Variants in PARD6G observed in about 807,000 individuals in gnomAD.
PARD6G encodes partitioning defective 6 homolog gamma.
PARD6G carries 7 observed loss-of-function variants against 10.7 expected under a neutral mutation model. The observed-to-expected ratio is 0.66, with a 90% CI of 0.37 to 1.23. The LOEUF is 1.23. PARD6G is among the 50% of genes most tolerant of loss of function. PARD6G has a pLI of 0.02. For synonymous variants in PARD6G, 287 were observed against 269.4 expected (o/e 1.07, Z -0.64); for missense variants, 548 against 571.8 (o/e 0.96, Z 0.42).
rs750210585 is a variant in PARD6G, at chr18:80,184,316, C to T, written c.295+18394G>A. The T allele has an allele frequency of 6.6e-6, 1 of 152,274 alleles. No homozygotes were observed. The highest frequency in any genetic ancestry group is 2.4e-5 in the African/African-American group (1 of 41,456). The allele number at this position is 152,274 out of a possible 1,614,324, so 9.4% of individuals were successfully genotyped here. ...GCTGCAGTGAATCCAGGTGACCTCA[C>T]AGAAACTTGTATGTGAGCATTCGCA... On this transcript the variant is annotated intron_variant, in intron 2 of 2. Coordinates refer to ENST00000353265, the MANE Select transcript of PARD6G (RefSeq NM_032510.4). This position sits in a 1 kb window ranked among gnomAD's most constrained non-coding sequence, Gnocchi z 4.5.
chr18:80,211,395 C>T (rs952343188), intron 1 of PARD6G, among the ~76,000 whole-genome samples: 5 of 152,126 alleles, frequency 3.3e-5, no homozygotes, highest in Admixed American at 6.5e-5. Context: ...TGGCTACTAT[C>T]GAAAAAGCAA....
Position 80,160,442 on chromosome 18 carries a change from C to A in PARD6G, c.460G>T (p.Glu154Ter). ...TGCAGCCGCACTCGCCGGTGCGTCTCGGGGACCAGGTCCACATCGATGATG... is the reference window on the plus strand; with the variant it reads ...TGCAGCCGCACTCGCCGGTGCGTCTAGGGGACCAGGTCCACATCGATGATG... ...SSIIDVDLVP[E>*]THRRVRLHRH... Residue 154 changes from glutamate to a stop codon, truncating the protein, a stop_gained, in exon 3 of 3, where the codon GAG (glutamate) becomes TAG (stop). Transcript: ENST00000353265. LOFTEE classifies it low-confidence loss of function (END_TRUNC). 1 of 1,582,544 alleles carries A rather than the reference C, an allele frequency of 6.3e-7. No individual in the cohort carries two copies. Among genetic ancestry groups the A allele is most frequent in the East Asian group, 2.3e-5 (1 of 43,390 alleles).
chr18:80,242,291 C>T (rs999643857), intron 1 of PARD6G, among the ~76,000 whole-genome samples: 1 of 152,234 alleles, frequency 6.6e-6, no homozygotes, highest in Admixed American at 6.5e-5. Flanking sequence ...AGCTGACACA[C>T]ACAGGTGAGT....
At chr18:80,210,807 A>T (rs73971899) in intron 1 of PARD6G, among the ~76,000 whole-genome samples, 4,940 of 152,270 alleles carry the variant, frequency 0.032, 267 homozygotes, top group African/African-American at 0.11. Flanking sequence ...TAATGAACTT[A>T]CAACGAGTTA....
chr18:80,220,804 T>C (rs1292457206), intron 1 of PARD6G, among the ~76,000 whole-genome samples: 2 of 151,788 alleles, frequency 1.3e-5, no homozygotes, highest in East Asian at 3.9e-4. Context: ...AGAGATGGAG[T>C]TTCACCATGT....
At chr18:80,227,401 C>T (rs533427769) in intron 1 of PARD6G, among the ~76,000 whole-genome samples, 5 of 152,336 alleles carry the variant, frequency 3.3e-5, no homozygotes, top group African/African-American at 7.2e-5. Flanking sequence ...ACCAGTCCGG[C>T]CCTGTGGACA....
chr18:80,230,458 C>T (rs905294128), intron 1 of PARD6G, among the ~76,000 whole-genome samples: 7 of 152,220 alleles, frequency 4.6e-5, no homozygotes, highest in Non-Finnish European at 1.0e-4. Context: ...GGTTTAAAAT[C>T]GGGCCACACA....
chr18:80,212,661 G>A (rs1459731244), intron 1 of PARD6G, among the ~76,000 whole-genome samples: 7 of 152,248 alleles, frequency 4.6e-5, no homozygotes, highest in South Asian at 2.1e-4. Context: ...CAAGGCGGGC[G>A]GATGATGAGG....
At chr18:80,220,026 G>A (rs1169234707) in intron 1 of PARD6G, among the ~76,000 whole-genome samples, 1 of 152,112 alleles carries the variant, frequency 6.6e-6, no homozygotes, top group Non-Finnish European at 1.5e-5. Flanking sequence ...TTCTCACACT[G>A]CTATAAGGAC....
At chr18:80,195,548 CATATATATATATAT>C (rs201373415) in intron 2 of PARD6G, among the ~76,000 whole-genome samples, 5 of 82,218 alleles carry the variant, frequency 6.1e-5, no homozygotes, top group South Asian at 1.1e-3. Flanking sequence ...TTCAAAGATA[CATATATATATATAT>C]ATATATATAT....
intron 1 of PARD6G, among the ~76,000 whole-genome samples, chr18:80,217,056 T>C (rs1401742273): frequency 6.6e-6 from 1 of 152,142 alleles, no homozygotes; most frequent in Non-Finnish European, 1.5e-5. Flanking sequence ...ATATACATGA[T>C]GTGCCTTGGG....
At chr18:80,190,389 T>C (rs1441511394) in intron 2 of PARD6G, among the ~76,000 whole-genome samples, 3 of 152,136 alleles carry the variant, frequency 2.0e-5, no homozygotes, top group African/African-American at 4.8e-5. Flanking sequence ...GTACACTGCC[T>C]CTCGTCCAGA....
chr18:80,174,105 C>T (rs767476596), intron 2 of PARD6G, among the ~76,000 whole-genome samples: 5 of 152,184 alleles, frequency 3.3e-5, no homozygotes, highest in Non-Finnish European at 7.3e-5. Flanking sequence ...CCACAGGGCT[C>T]CTGTAAAACC....
intron 2 of PARD6G, among the ~76,000 whole-genome samples, chr18:80,176,700 C>A (rs911543842): frequency 1.3e-5 from 2 of 152,198 alleles, no homozygotes; most frequent in African/African-American, 2.4e-5. Context: ...AAGCCTCCCC[C>A]CTCATTGCCT....
intron 1 of PARD6G, among the ~76,000 whole-genome samples, chr18:80,206,764 C>T (rs532285956): frequency 6.6e-6 from 1 of 152,218 alleles, no homozygotes; most frequent in South Asian, 2.1e-4. Context: ...TCAATAAATA[C>T]TTAACAGTAA....
chr18:80,179,980 C>T (rs1324272258), intron 2 of PARD6G, among the ~76,000 whole-genome samples: 4 of 152,246 alleles, frequency 2.6e-5, no homozygotes, highest in Non-Finnish European at 5.9e-5. Flanking sequence ...AAGAGCTGTG[C>T]CGTAGCTGGT....
chr18:80,225,294 G>T (rs1160645509), intron 1 of PARD6G, among the ~76,000 whole-genome samples: 1 of 152,160 alleles, frequency 6.6e-6, no homozygotes, highest in Non-Finnish European at 1.5e-5. Flanking sequence ...GACCCTTAGG[G>T]CCTGGACCCA....
chr18:80,220,872 C>T (rs1190979014), intron 1 of PARD6G, among the ~76,000 whole-genome samples: 2 of 152,028 alleles, frequency 1.3e-5, no homozygotes, highest in Non-Finnish European at 2.9e-5. Flanking sequence ...CCTGTCTCAG[C>T]CTCCTAAAAG....
intron 2 of PARD6G, among the ~76,000 whole-genome samples, chr18:80,199,787 G>A (rs1316440854): frequency 6.6e-6 from 1 of 152,114 alleles, no homozygotes; most frequent in Non-Finnish European, 1.5e-5. Context: ...GGGACTACAG[G>A]CACATGCCAC....
Sources: allele counts gnomAD v4.1 joint callset (sites outside exome capture counted in the v4.1 genomes callset), GRCh38; gene constraint gnomAD v4.1.1; non-coding constraint Gnocchi (gnomAD v3.1); transcripts MANE v1.5; gene names NCBI Gene and HGNC (gene_info 2026-07-23, HGNC 2026-07-21).